Variants in TTC7A observed in about 807,000 individuals in gnomAD.
TTC7A encodes tetratricopeptide repeat protein 7A.
A neutral mutation model predicts 103.7 loss-of-function variants in TTC7A; 110 were observed. That is an observed-to-expected ratio of 1.06 (90% CI 0.91 to 1.24). The LOEUF is 1.24. Ranked by LOEUF, TTC7A falls within the 50% of genes most tolerant of loss-of-function variation. TTC7A has a pLI of 0.00. For synonymous variants in TTC7A, 521 were observed against 467.9 expected, an observed-to-expected ratio of 1.11 and a Z score of -1.47; for missense variants, 1,340 against 1,116.3, an observed-to-expected ratio of 1.20 and a Z score of -2.86.
intron 3 of TTC7A, among the ~76,000 whole-genome samples, chr2:46,967,137 C>T (rs1158565262): frequency 6.6e-6 from 1 of 152,046 alleles, no homozygotes; most frequent in Non-Finnish European, 1.5e-5. Context: ...TGCTTGAACC[C>T]AGGAGGTGGA....
intron 2 of TTC7A, among the ~76,000 whole-genome samples, chr2:46,931,729 T>C (rs889949057): frequency 8.1e-6 from 1 of 124,204 alleles, no homozygotes. Flanking sequence ...TAAATAAAAT[T>C]GATAAATCCC....
chr2:47,053,612 C>A (rs1483921905), intron 18 of TTC7A, among the ~76,000 whole-genome samples: 2 of 151,340 alleles, frequency 1.3e-5, no homozygotes, highest in Admixed American at 1.3e-4. Context: ...CACTCTGTGG[C>A]CCAGGCTGGA....
At chr2:47,067,417 T>C (rs1684268869) in intron 19 of TTC7A, among the ~76,000 whole-genome samples, 1 of 152,240 alleles carries the variant, frequency 6.6e-6, no homozygotes, top group Non-Finnish European at 1.5e-5. Context: ...TGGACCATTC[T>C]TAGTGTGGGA....
At position 47,029,834 on chromosome 2, in the gene TTC7A, C is replaced by T. The variant is rs143538073; in HGVS notation, c.1802+450C>T. ...GTTATGGCCCTCCAAGGTGGTCCTG[C>T]TCCTTCATACCTCCCCACCTCCCTC... On this transcript the variant is annotated intron_variant, in intron 15 of 19. Coordinates refer to ENST00000319190, the MANE Select transcript of TTC7A (RefSeq NM_020458.4). 7.3e-3 allele frequency among the ~76,000 whole-genome samples: 1,110 copies of T among 152,302 alleles called. 13 individuals are homozygous for T. The highest frequency in any genetic ancestry group is 0.026 in the African/African-American group (1,063 of 41,556).
chr2:46,982,442 C>T (rs1674567844), intron 5 of TTC7A, among the ~76,000 whole-genome samples: 1 of 152,124 alleles, frequency 6.6e-6, no homozygotes, highest in South Asian at 2.1e-4. Context: ...TTTCTCTCCT[C>T]ATGCCTGGCA....
At chr2:46,996,910 C>T (rs1000401216) in intron 8 of TTC7A, among the ~76,000 whole-genome samples, 1 of 152,024 alleles carries the variant, frequency 6.6e-6, no homozygotes, top group Non-Finnish European at 1.5e-5. Flanking sequence ...CGTTCACCCT[C>T]CAGTGAGACT....
intron 8 of TTC7A, chr2:46,999,502 G>A: frequency 1.0e-6 from 1 of 985,376 alleles, no homozygotes; most frequent in African/African-American, 1.7e-5. Context: ...ACAGCATGCG[G>A]GACCATGCTC....
intron 2 of TTC7A, among the ~76,000 whole-genome samples, chr2:46,926,618 C>G (rs897171394): frequency 1.3e-5 from 2 of 152,064 alleles, no homozygotes; most frequent in African/African-American, 4.8e-5. Context: ...TTGGTAGAGC[C>G]CCCCCAGGTG....
Position 46,956,707 on chromosome 2 carries a change from CAAA to C in TTC7A, c.349-131_349-129del, listed in dbSNP as rs1461491059. 11 of 915,362 alleles carry C rather than the reference CAAA, an allele frequency of 1.2e-5. No homozygotes were observed. In the Admixed American group the frequency reaches 2.1e-4, roughly 18 times the overall value. The allele number at this position is 915,362 out of a possible 1,614,324, so 56.7% of individuals were successfully genotyped here. A position where few individuals can be genotyped will look rare whatever the true frequency, so the allele number is the denominator to read the frequency against. On this transcript the variant is annotated intron_variant, in intron 2 of 19. Transcript: ENST00000319190. The stretch of plus-strand genomic sequence containing the variant: ...GAGCTGTCGGCATGTGCTTGAGCAT[CAAA>C]GAAGGCTTTCTGGAGGAGGAGGGGA...
chr2:46,951,361 G>A (rs1416882893), intron 2 of TTC7A, among the ~76,000 whole-genome samples: 2 of 152,076 alleles, frequency 1.3e-5, no homozygotes, highest in African/African-American at 2.4e-5. Context: ...GTTTTAACAA[G>A]CTCTCCTGGG....
At chr2:46,950,861 A>G (rs1295114544) in intron 2 of TTC7A, among the ~76,000 whole-genome samples, 1 of 152,264 alleles carries the variant, frequency 6.6e-6, no homozygotes, top group Non-Finnish European at 1.5e-5. Context: ...TGTTATTAAA[A>G]TTAATTTCAC....
chr2:47,051,888 C>G lies in TTC7A; in HGVS notation c.2152+8C>G, dbSNP rs570803123. 4 of 1,603,690 alleles carry G rather than the reference C, an allele frequency of 2.5e-6. No homozygotes were observed. The highest frequency in any genetic ancestry group is 2.6e-6 in the Non-Finnish European group (3 of 1,175,224). On this transcript the variant is annotated splice_region_variant and intron_variant, in intron 18 of 19. Coordinates refer to ENST00000319190, the MANE Select transcript of TTC7A (RefSeq NM_020458.4). Reference sequence around the variant, plus strand: ...AGATCTGGCTGCAGGCTGGTGAGTGCCCTGGTCCCAGTGACACACACAGCC... The same window carrying G: ...AGATCTGGCTGCAGGCTGGTGAGTGGCCTGGTCCCAGTGACACACACAGCC...
At chr2:46,957,986 C>T (rs1228361233) in intron 3 of TTC7A, among the ~76,000 whole-genome samples, 2 of 152,158 alleles carry the variant, frequency 1.3e-5, no homozygotes, top group African/African-American at 2.4e-5. Context: ...GAGAGGATAA[C>T]TTGCCCAAAG....
intron 18 of TTC7A, among the ~76,000 whole-genome samples, chr2:47,052,674 C>T (rs1053692335): frequency 6.6e-6 from 1 of 152,048 alleles, no homozygotes; most frequent in African/African-American, 2.4e-5. Flanking sequence ...AGAGCCAAAG[C>T]CAAAGATGAC....
chr2:46,919,299 C>T (rs747867836), intron 2 of TTC7A, among the ~76,000 whole-genome samples: 11 of 152,220 alleles, frequency 7.2e-5, no homozygotes, highest in Non-Finnish European at 1.3e-4. Context: ...CTTTGGGAGG[C>T]CGAGGCGGCA....
intron 2 of TTC7A, among the ~76,000 whole-genome samples, chr2:46,921,255 T>C (rs1376112123): frequency 6.6e-6 from 1 of 152,230 alleles, no homozygotes; most frequent in Admixed American, 6.5e-5. Context: ...AATATGATCA[T>C]GCACATAGAA....
At chr2:46,927,925 ACT>A (rs201209041) in intron 2 of TTC7A, among the ~76,000 whole-genome samples, 4,982 of 108,372 alleles carry the variant, frequency 0.046, 133 homozygotes, top group Middle Eastern at 0.19. Context: ...ACAGGGTCTC[ACT>A]CTGTCACCCA....
intron 1 of TTC7A, among the ~76,000 whole-genome samples, chr2:46,943,602 C>T (rs1670659401): frequency 6.6e-6 from 1 of 152,234 alleles, no homozygotes; most frequent in Non-Finnish European, 1.5e-5. Context: ...CCTCCCAAAG[C>T]CCATGCGTAG....
chr2:46,964,345 A>T (rs1188496111), intron 3 of TTC7A, among the ~76,000 whole-genome samples: 1 of 152,152 alleles, frequency 6.6e-6, no homozygotes, highest in Non-Finnish European at 1.5e-5. Context: ...CTTGGAGCCA[A>T]GAGGAGGTGT....
Sources: gnomAD v4.1 joint callset for allele counts (sites outside exome capture counted in the v4.1 genomes callset) on GRCh38, gnomAD v4.1.1 for gene constraint, MANE v1.5 for transcripts, NCBI Gene and HGNC (gene_info 2026-07-23, HGNC 2026-07-21) for gene names.